The following SLC24A2 variants were observed in gnomAD, a reference collection of about 807,000 sequenced individuals.
SLC24A2 encodes the protein solute carrier family 24 member 2, also known as sodium/potassium/calcium exchanger 2.
In SLC24A2, 36 loss-of-function variants were observed where a neutral mutation model predicts 62.0. That is an observed-to-expected ratio of 0.58 (90% CI 0.44 to 0.77). SLC24A2 has a LOEUF of 0.77. Among genes scored for constraint, SLC24A2 ranks in the 30% least tolerant of loss-of-function variants. The pLI, the probability that SLC24A2 is intolerant of heterozygous loss-of-function variation, is 0.00. For synonymous variants in SLC24A2, 358 were observed against 294.0 expected (o/e 1.22, Z -2.23); for missense variants, 846 against 817.9 (o/e 1.03, Z -0.42).
the SLC24A2 span, among the ~76,000 whole-genome samples, chr9:20,280,976 C>A: frequency 2.0e-5 from 3 of 152,164 alleles, no homozygotes; most frequent in Admixed American, 2.0e-4. Flanking sequence ...GTCACCCAGG[C>A]TGGAATGCAG....
At chr9:19,745,061 T>C (rs1327405) in intron 2 of SLC24A2, among the ~76,000 whole-genome samples, 88,616 of 152,038 alleles carry the variant, frequency 0.58, 26,627 homozygotes, top group African/African-American at 0.7. Context: ...GGGACAGATC[T>C]CTTATGAATG....
the SLC24A2 span, among the ~76,000 whole-genome samples, chr9:20,274,102 T>C: frequency 2.6e-5 from 4 of 152,194 alleles, no homozygotes; most frequent in Admixed American, 6.5e-5. Flanking sequence ...ACTGAGGATA[T>C]AAGAGGGAAT....
At chr9:19,707,646 A>G (rs1820573447) in intron 2 of SLC24A2, among the ~76,000 whole-genome samples, 1 of 152,254 alleles carries the variant, frequency 6.6e-6, no homozygotes, top group Non-Finnish European at 1.5e-5. Flanking sequence ...AGAACCAAAG[A>G]CAAAAACCAC....
chr9:20,007,155 G>T, the SLC24A2 span, among the ~76,000 whole-genome samples: 1 of 152,004 alleles, frequency 6.6e-6, no homozygotes, highest in African/African-American at 2.4e-5. Flanking sequence ...AGAATAAATG[G>T]GCTCTGAGCA....
At chr9:20,163,066 G>GGT in the SLC24A2 span, among the ~76,000 whole-genome samples, 1 of 152,056 alleles carries the variant, frequency 6.6e-6, no homozygotes, top group Non-Finnish European at 1.5e-5. Flanking sequence ...TTTGAAAACT[G>GGT]GCAGAAGACA....
intron 2 of SLC24A2, among the ~76,000 whole-genome samples, chr9:19,785,533 G>T (rs988377974): frequency 6.6e-6 from 1 of 152,148 alleles, no homozygotes; most frequent in Non-Finnish European, 1.5e-5. Context: ...TTCTTTCTTG[G>T]TAATTGCCAT....
the SLC24A2 span, among the ~76,000 whole-genome samples, chr9:19,915,340 G>C: frequency 6.6e-6 from 1 of 152,058 alleles, no homozygotes; most frequent in Non-Finnish European, 1.5e-5. Context: ...TCAATTGATA[G>C]ACATTTGGGT....
At chr9:20,018,563 C>T in the SLC24A2 span, among the ~76,000 whole-genome samples, 5 of 152,102 alleles carry the variant, frequency 3.3e-5, no homozygotes, top group Non-Finnish European at 7.4e-5. Flanking sequence ...TTCATGCTCA[C>T]TTGTCTATAT....
chr9:20,252,722 AGTT>A, the SLC24A2 span, among the ~76,000 whole-genome samples: 8 of 152,140 alleles, frequency 5.3e-5, no homozygotes, highest in Non-Finnish European at 7.4e-5. Context: ...ACCAATTGGC[AGTT>A]GTTGTTGTTG....
the SLC24A2 span, among the ~76,000 whole-genome samples, chr9:19,802,383 A>G: frequency 3.3e-4 from 50 of 152,234 alleles, no homozygotes; most frequent in Non-Finnish European, 6.6e-4. Context: ...TTTTAAAAAT[A>G]AGGTCTTATA....
chr9:19,847,057 A>G, the SLC24A2 span, among the ~76,000 whole-genome samples: 4 of 152,164 alleles, frequency 2.6e-5, no homozygotes, highest in Non-Finnish European at 5.9e-5. Context: ...GGTTCTGTTC[A>G]TATAATTTTT....
the SLC24A2 span, among the ~76,000 whole-genome samples, chr9:19,897,992 C>T: frequency 6.6e-6 from 1 of 152,170 alleles, no homozygotes; most frequent in Non-Finnish European, 1.5e-5. Context: ...AATTACACAT[C>T]TTGGAAATCA....
At chr9:19,532,389 C>T (rs918461114) in intron 8 of SLC24A2, among the ~76,000 whole-genome samples, 2 of 152,190 alleles carry the variant, frequency 1.3e-5, no homozygotes, top group African/African-American at 2.4e-5. Context: ...AGATACCTCA[C>T]CTGACTCCCA....
At chr9:19,524,461 T>A (rs2132648005) in intron 9 of SLC24A2, among the ~76,000 whole-genome samples, 1 of 149,450 alleles carries the variant, frequency 6.7e-6, no homozygotes, top group South Asian at 2.1e-4. Context: ...GTTAAAGCAT[T>A]GTAGGTGAAG....
the SLC24A2 span, among the ~76,000 whole-genome samples, chr9:20,173,291 C>T: frequency 6.6e-6 from 1 of 152,110 alleles, no homozygotes; most frequent in African/African-American, 2.4e-5. Context: ...TGCCCACTCT[C>T]ACCACTTCTC....
chr9:20,185,650 G>A, the SLC24A2 span, among the ~76,000 whole-genome samples: 8 of 146,322 alleles, frequency 5.5e-5, no homozygotes, highest in African/African-American at 2.0e-4. Context: ...GGGAGACAGA[G>A]CGAGACTCCA....
At chr9:19,729,041 A>C (rs1357791524) in intron 2 of SLC24A2, among the ~76,000 whole-genome samples, 1 of 152,176 alleles carries the variant, frequency 6.6e-6, no homozygotes, top group African/African-American at 2.4e-5. Context: ...CCACATAGTA[A>C]ATAGTAAATG....
the SLC24A2 span, among the ~76,000 whole-genome samples, chr9:19,935,590 C>T: frequency 3.9e-5 from 6 of 152,176 alleles, no homozygotes; most frequent in African/African-American, 1.4e-4. Flanking sequence ...ATTAGCAGCC[C>T]TTGTGTGTGT....
chr9:19,981,889 T>C, the SLC24A2 span, among the ~76,000 whole-genome samples: 3 of 152,122 alleles, frequency 2.0e-5, no homozygotes, highest in East Asian at 1.9e-4. Flanking sequence ...CCCAATGTCA[T>C]GGGGAAGGAA....
Sources: allele counts gnomAD v4.1 joint callset (sites outside exome capture counted in the v4.1 genomes callset), GRCh38; gene constraint gnomAD v4.1.1; transcripts MANE v1.5; gene names NCBI Gene and HGNC (gene_info 2026-07-23, HGNC 2026-07-21).